CASC3: variants seen among roughly 807,000 people sequenced by gnomAD.
The protein encoded by CASC3 is CASC3 exon junction complex subunit.
Under a neutral mutation model 80.5 loss-of-function variants are expected in CASC3, and 30 were observed. The ratio of observed to expected loss-of-function variants is 0.37; its 90% confidence interval spans 0.28 to 0.51. The LOEUF (loss-of-function observed/expected upper bound fraction) is 0.51. CASC3 is among the 20% of genes least tolerant of loss of function. The pLI, the probability that CASC3 is intolerant of heterozygous loss-of-function variation, is 0.94. For missense variants in CASC3, 824 were observed against 922.2 expected, an observed-to-expected ratio of 0.89 and a Z score of 1.38; for synonymous variants, 312 against 333.6, an observed-to-expected ratio of 0.94 and a Z score of 0.70.
intron 3 of CASC3, among the ~76,000 whole-genome samples, chr17:40,147,063 G>A (rs1406704445): frequency 6.6e-6 from 1 of 152,198 alleles, no homozygotes; most frequent in Non-Finnish European, 1.5e-5. Context: ...ATTTATAGCA[G>A]CTTACCATTC....
In CASC3 at chr17:40,172,059, T is replaced by C. The variant is rs1333206557; in HGVS notation, c.*1654T>C. On this transcript the variant is annotated 3_prime_UTR_variant, in exon 14 of 14. Coordinates refer to ENST00000264645, the MANE Select transcript of CASC3 (RefSeq NM_007359.5). ...GTTGTCTCTGTTGGTCCACTGTGTT[T>C]AGTTGCAAGGATTTTTCCATGTGTG... 1 of 1,289,992 alleles carries C rather than the reference T, an allele frequency of 7.8e-7. No homozygotes were observed. The highest frequency in any genetic ancestry group is 1.0e-6 in the Non-Finnish European group (1 of 988,882). 79.9% of individuals were successfully genotyped at this position (1,289,992 alleles called of 1,614,324 possible). A position where few individuals can be genotyped will look rare whatever the true frequency, so the allele number is the denominator to read the frequency against.
intron 7 of CASC3, among the ~76,000 whole-genome samples, chr17:40,165,896 G>A (rs1159525898): frequency 6.6e-6 from 1 of 151,510 alleles, no homozygotes; most frequent in Non-Finnish European, 1.5e-5. Context: ...CTCCTCAGTA[G>A]CTAAGATCAT....
At chr17:40,142,713 C>T (rs563907097) in intron 3 of CASC3, among the ~76,000 whole-genome samples, 1 of 152,172 alleles carries the variant, frequency 6.6e-6, no homozygotes, top group East Asian at 1.9e-4. Flanking sequence ...ATGGTGAAAC[C>T]CCGTCCCTAC....
In CASC3 at chr17:40,159,551, T is replaced by G. The variant is rs78019781; in HGVS notation, c.298-2202T>G. Among the ~76,000 whole-genome samples the G allele has an allele frequency of 4.7e-4, 68 of 145,504 alleles. 1 individual carries two copies. The East Asian group carries it at 0.013, about 29-fold the overall frequency. On this transcript the variant is annotated intron_variant, in intron 3 of 13. Coordinates refer to ENST00000264645, the MANE Select transcript of CASC3 (RefSeq NM_007359.5). ...CGCATCAGTTCATTGTGTGTTTTTT[T>G]TTTTTTTTTTTTGAGACAGGATCTC...
At position 40,163,021 on chromosome 17, in the gene CASC3, G is replaced by C. The variant is rs1350338061; in HGVS notation, c.785+120G>C. On this transcript the variant is annotated intron_variant, in intron 6 of 13. Transcript: ENST00000264645. The stretch of plus-strand genomic sequence containing the variant: ...GGATTGCTTGAGGCCAGGAGTTCAA[G>C]ACCAGCCTGGGGAACATAGTGAGAC... 10 of 718,298 alleles carry C rather than the reference G, an allele frequency of 1.4e-5. No homozygotes were observed. The East Asian group carries it at 2.7e-4, about 19-fold the overall frequency. The allele number at this position is 718,298 out of a possible 1,614,324, so 44.5% of individuals were successfully genotyped here.
chr17:40,164,217 T>TTTAG (rs775692707), intron 7 of CASC3, 51 bp downstream of exon 7: 1 of 1,387,892 alleles, frequency 7.2e-7, no homozygotes, highest in East Asian at 2.4e-5. Flanking sequence ...CATCATCAGG[T>TTTAG]TTAGGGGCAT....
chr17:40,147,318 A>G (rs2145156042), intron 3 of CASC3, among the ~76,000 whole-genome samples: 2 of 152,280 alleles, frequency 1.3e-5, no homozygotes, highest in Middle Eastern at 6.8e-3. Flanking sequence ...CAACCCCTTC[A>G]TTGATTGAAT....
At position 40,140,656 on chromosome 17, in the gene CASC3, C is replaced by T; in HGVS notation, c.108C>T (p.Cys36=). The change falls in exon 1 of 14, where the codon TGC becomes TGT. Residue 36 remains cysteine (C), a synonymous_variant. Coordinates refer to ENST00000264645, the MANE Select transcript of CASC3 (RefSeq NM_007359.5). ...CCCCGTTGCGGGGAGGCGGGAGCTG[C>T]AGCGGTAGCGCCGGAGGCGGCGGCA... The part of the protein sequence containing the change: ...GGSPLRGGGS[C]SGSAGGGGSG... The T allele has an allele frequency of 6.2e-7, 1 of 1,607,028 alleles. No homozygotes were observed. Among genetic ancestry groups the T allele is most frequent in the African/African-American group, 1.3e-5 (1 of 74,850 alleles).
intron 7 of CASC3, among the ~76,000 whole-genome samples, chr17:40,166,161 A>G (rs769622766): frequency 6.6e-6 from 1 of 152,152 alleles, no homozygotes; most frequent in Non-Finnish European, 1.5e-5. Context: ...AGACCTACCT[A>G]TTACCCATTT....
At chr17:40,144,841 CA>C (rs768295256) in intron 3 of CASC3, among the ~76,000 whole-genome samples, 256 of 90,374 alleles carry the variant, frequency 2.8e-3, no homozygotes, top group Middle Eastern at 6.5e-3. Flanking sequence ...CATACCCAGC[CA>C]AAAAAAAAAA....
At position 40,167,518 on chromosome 17, in the gene CASC3, C is replaced by T; in HGVS notation, c.1557C>T (p.Ala519=). Residue 519 remains alanine, a synonymous_variant, in exon 9 of 14, where the codon GCC becomes GCT. Transcript: ENST00000264645. ...MEEMGVQGGR[A]KRYSSQRQRP... ...CTCAGGGTGTCCAGGGTGGTCGAGC[C>T]AAACGCTATTCATCCCAGCGGCAAA... 6.2e-6 allele frequency: 10 copies of T among 1,614,012 alleles called. No individual in the cohort carries two copies. Among genetic ancestry groups the T allele is most frequent in the Non-Finnish European group, 7.6e-6 (9 of 1,179,972 alleles).
intron 3 of CASC3, among the ~76,000 whole-genome samples, chr17:40,155,656 T>G (rs918324343): frequency 5.9e-5 from 9 of 152,184 alleles, no homozygotes; most frequent in African/African-American, 2.2e-4. Context: ...AGAATAAGGA[T>G]ACCAACTCCA....
At chr17:40,142,741 AT>A (rs199572773) in intron 3 of CASC3, among the ~76,000 whole-genome samples, 2,399 of 152,128 alleles carry the variant, frequency 0.016, 30 homozygotes, top group Non-Finnish European at 0.024. Flanking sequence ...ACAAAAAAAA[AT>A]AATAATAAAT....
intron 1 of CASC3, 119 bp from the exon 2 acceptor site, chr17:40,141,088 C>A: frequency 1.1e-6 from 1 of 936,678 alleles, no homozygotes; most frequent in Non-Finnish European, 1.7e-6. Context: ...ATTTACCTAT[C>A]TCTGTCTCCC....
chr17:40,160,811 T>TA lies in CASC3; in HGVS notation c.298-941dup, dbSNP rs1435587575. Among the ~76,000 whole-genome samples the TA allele has an allele frequency of 7.9e-5, 12 of 152,180 alleles. No individual in the cohort carries two copies. In the East Asian group the frequency reaches 1.7e-3, roughly 22 times the overall value. On this transcript the variant is annotated intron_variant, in intron 3 of 13. Transcript: ENST00000264645. Reference sequence around the variant, plus strand: ...GTCTCGAACTCCTGACCTCAAGTGATACGCCTGCCTCGGCCTCCCAAAGTG... The same window carrying TA: ...GTCTCGAACTCCTGACCTCAAGTGATAACGCCTGCCTCGGCCTCCCAAAGTG...
In CASC3 at chr17:40,141,246, C is replaced by CT. The variant is rs1436946900; in HGVS notation, c.259+16dup. The CT allele has an allele frequency of 5.0e-6, 8 of 1,612,210 alleles. No homozygotes were observed. The highest frequency in any genetic ancestry group is 6.8e-6 in the Non-Finnish European group (8 of 1,178,302). On this transcript the variant is annotated intron_variant, in intron 2 of 13. Coordinates refer to ENST00000264645, the MANE Select transcript of CASC3 (RefSeq NM_007359.5). Reference sequence around the variant, plus strand: ...CATTGAAGGTGATGGTGAGTAGCATCTTTTACCCCATTAGGACAAGAGTTT... The same window carrying CT: ...CATTGAAGGTGATGGTGAGTAGCATCTTTTTACCCCATTAGGACAAGAGTTT...
chr17:40,150,502 A>T (rs1988976199), intron 3 of CASC3, among the ~76,000 whole-genome samples: 1 of 151,952 alleles, frequency 6.6e-6, no homozygotes, highest in African/African-American at 2.4e-5. Flanking sequence ...AGACATTTGA[A>T]TTGATCCAGT....
intron 8 of CASC3, 73 bp from the exon 9 acceptor site, chr17:40,167,425 C>A: frequency 9.4e-7 from 1 of 1,060,896 alleles, no homozygotes; most frequent in Non-Finnish European, 1.5e-6. Context: ...TTTTTCAACA[C>A]CTAAAGGAAG....
intron 8 of CASC3, 151 bp from the exon 9 acceptor site, chr17:40,167,347 T>G: frequency 1.6e-6 from 1 of 608,726 alleles, no homozygotes; most frequent in South Asian, 2.1e-5. Flanking sequence ...GTTCAAATCT[T>G]GATATCTTTT....
Sources: gnomAD v4.1 joint callset for allele counts (sites outside exome capture counted in the v4.1 genomes callset) on GRCh38, gnomAD v4.1.1 for gene constraint, MANE v1.5 for transcripts, NCBI Gene and HGNC (gene_info 2026-07-23, HGNC 2026-07-21) for gene names.